CYP2B6: variants seen among roughly 807,000 people sequenced by gnomAD.
CYP2B6 encodes the protein cytochrome P450 family 2 subfamily B member 6, also known as cytochrome P450 2B6.
CYP2B6 carries 35 observed loss-of-function variants against 43.4 expected under a neutral mutation model. The observed-to-expected ratio is 0.81, with a 90% CI of 0.62 to 1.07. The LOEUF is 1.07. CYP2B6 is among the 50% of genes least tolerant of loss of function. The probability of loss-of-function intolerance (pLI) is 0.00; values close to 1 mark genes in which losing one functional copy is unlikely to be tolerated. For missense variants in CYP2B6, 624 were observed against 632.8 expected, an observed-to-expected ratio of 0.99 and a Z score of 0.15; for synonymous variants, 239 against 239.2, an observed-to-expected ratio of 1.00 and a Z score of 0.01.
rs755545200 is a variant in CYP2B6, at chr19:41,010,163, G to A, written c.964+28G>A. 6.8e-6 allele frequency: 11 copies of A among 1,611,734 alleles called. No individual in the cohort carries two copies. In the South Asian group the frequency reaches 8.8e-5, roughly 13 times the overall value. ...GGGCCAGGGACAGCCAGTCAAGGGG[G>A]TCTTCTGACCTCCTTCTGAGCTGCA... On this transcript the variant is annotated intron_variant, in intron 6 of 8. Transcript: ENST00000324071.
At chr19:41,014,560 T>C (rs569492584) in intron 8 of CYP2B6, among the ~76,000 whole-genome samples, 188 of 152,176 alleles carry the variant, frequency 1.2e-3, no homozygotes, top group African/African-American at 4.4e-3. Context: ...CCACCTCAGT[T>C]TCTGAAAGTC....
In CYP2B6 at chr19:41,016,399, C is replaced by CAA. The variant is rs869180190; in HGVS notation, c.1295-213_1295-212dup. On this transcript the variant is annotated intron_variant, in intron 8 of 8. Coordinates refer to ENST00000324071, the MANE Select transcript of CYP2B6 (RefSeq NM_000767.5). ...TGGGTGACAAAGAGAGACTCCATCT[C>CAA]AAAAAAAAAAAAAAAAAAAAAAAAA... Among the ~76,000 whole-genome samples, 474 of 76,748 alleles carry CAA rather than the reference C, an allele frequency of 6.2e-3. 30 individuals carry two copies. Among genetic ancestry groups the CAA allele is most frequent in the Non-Finnish European group, 1.0e-2 (360 of 36,148 alleles). 50.3% of individuals were successfully genotyped at this position (76,748 alleles called of 152,430 possible).
intron 8 of CYP2B6, among the ~76,000 whole-genome samples, chr19:41,013,819 T>G (rs180797111): frequency 1.5e-3 from 227 of 152,256 alleles, no homozygotes; most frequent in African/African-American, 5.1e-3. Flanking sequence ...AAGGAACCAG[T>G]AAAGGTTCAG....
At chr19:41,001,946 T>TC (rs1213417495) in intron 1 of CYP2B6, among the ~76,000 whole-genome samples, 1 of 151,208 alleles carries the variant, frequency 6.6e-6, no homozygotes, top group Non-Finnish European at 1.5e-5. Flanking sequence ...GTCTTGTTTT[T>TC]TTTTCTGAGC....
At position 41,004,588 on chromosome 19, in the gene CYP2B6, A is replaced by G. The variant is rs572413396; in HGVS notation, c.484+142A>G. ...GAGACACCATCAGACAGAGGGATAG[A>G]GACAGAGAGGGAGAGAGACAGGGGA... On this transcript the variant is annotated intron_variant, in intron 3 of 8. Transcript: ENST00000324071. The G allele has an allele frequency of 3.7e-4, 351 of 957,026 alleles. No individual in the cohort carries two copies. The African/African-American group carries it at 4.6e-3, about 13-fold the overall frequency. 59.3% of individuals were successfully genotyped at this position (957,026 alleles called of 1,614,324 possible). A position where few individuals can be genotyped will look rare whatever the true frequency, so the allele number is the denominator to read the frequency against.
At chr19:40,992,379 A>G (rs957839484) in intron 1 of CYP2B6, among the ~76,000 whole-genome samples, 2 of 152,084 alleles carry the variant, frequency 1.3e-5, no homozygotes, top group African/African-American at 2.4e-5. Context: ...ATCATAATGG[A>G]CTTGTCTGCT....
Position 41,004,079 on chromosome 19 carries a change from A to C in CYP2B6, c.250A>C (p.Ile84Leu), listed in dbSNP as rs1969136524. 7 of 1,613,234 alleles carry C rather than the reference A, an allele frequency of 4.3e-6. No individual in the cohort carries two copies. In the East Asian group the frequency reaches 1.6e-4, roughly 36 times the overall value. ...PVVMLCGVEA[I>L]REALVDKAEA... Reference sequence around the variant, plus strand: ...GGTCATGCTGTGTGGAGTAGAGGCCATACGGGAGGCCCTTGTGGACAAGGC... The same window carrying C: ...GGTCATGCTGTGTGGAGTAGAGGCCCTACGGGAGGCCCTTGTGGACAAGGC... Residue 84 changes from isoleucine to leucine, a missense_variant, in exon 2 of 9, where the codon ATA becomes CTA. Transcript: ENST00000324071.
In CYP2B6 at chr19:41,006,010, T is replaced by C. The variant is rs1969177045; in HGVS notation, c.485-895T>C. 2.0e-5 allele frequency among the ~76,000 whole-genome samples: 3 copies of C among 151,618 alleles called. No homozygotes were observed. In the South Asian group the frequency reaches 6.2e-4, roughly 31 times the overall value. ...GTTCTTGGGTCCTTACAGACCACTC[T>C]CCCTCCAGCTGGGGCCAGTGCTGAG... On this transcript the variant is annotated intron_variant, in intron 3 of 8. Transcript: ENST00000324071.
intron 8 of CYP2B6, among the ~76,000 whole-genome samples, chr19:41,015,999 T>TACACACACACAC (rs113314890): frequency 0.034 from 5,089 of 149,864 alleles, 145 homozygotes; most frequent in African/African-American, 0.069. Flanking sequence ...CATGTACAGG[T>TACACACACACAC]ACACACACAC....
At chr19:40,991,583 C>T (rs753249744) in intron 1 of CYP2B6, 107 bp downstream of exon 1, 31 of 1,239,286 alleles carry the variant, frequency 2.5e-5, no homozygotes, top group African/African-American at 8.9e-5. Flanking sequence ...AGGGGTGGCA[C>T]GGGCATGGTT....
intron 8 of CYP2B6, among the ~76,000 whole-genome samples, chr19:41,014,872 G>T (rs1969337691): frequency 6.6e-6 from 1 of 151,340 alleles, no homozygotes; most frequent in African/African-American, 2.4e-5. Context: ...AAGGAAGGAG[G>T]AGGGGAGAAA....
chr19:41,002,941 C>T (rs1969118285), intron 1 of CYP2B6, among the ~76,000 whole-genome samples: 1 of 152,104 alleles, frequency 6.6e-6, no homozygotes, highest in Admixed American at 6.6e-5. Flanking sequence ...GTTTCAGCCA[C>T]GTTGTCGCCT....
rs777016580 is a variant in CYP2B6 at position 41,012,492 on chromosome 19, C to T, written c.1152+7C>T. On this transcript the variant is annotated splice_region_variant and intron_variant, in intron 7 of 8. Coordinates refer to ENST00000324071, the MANE Select transcript of CYP2B6 (RefSeq NM_000767.5). ...AGGGTACATCATCCCCAAGGTAAGA[C>T]CGGCTGGAACCCCATAGCCCTCCTG... 2 of 1,614,120 alleles carry T rather than the reference C, an allele frequency of 1.2e-6. No individual in the cohort carries two copies. Among genetic ancestry groups the T allele is most frequent in the African/African-American group, 1.3e-5 (1 of 75,030 alleles).
chr19:41,009,918 C>T, intron 5 of CYP2B6, 76 bp from the exon 6 acceptor site: 5 of 1,590,634 alleles, frequency 3.1e-6, no homozygotes, highest in Non-Finnish European at 4.3e-6. Context: ...CGGAGGGCAG[C>T]CAGGGAGATG....
chr19:40,998,921 GTCCTTTGGGTATATA>G (rs1362568650), intron 1 of CYP2B6, among the ~76,000 whole-genome samples: 1 of 123,666 alleles, frequency 8.1e-6, no homozygotes, highest in African/African-American at 3.2e-5. Context: ...ATGATTTATA[GTCCTTTGGGTATATA>G]CCCAGTAATG....
At chr19:41,001,661 C>T (rs565081756) in intron 1 of CYP2B6, among the ~76,000 whole-genome samples, 1 of 152,246 alleles carries the variant, frequency 6.6e-6, no homozygotes, top group East Asian at 1.9e-4. Context: ...ATGGCAACTA[C>T]CTTGATCCAC....
At chr19:41,002,826 T>G (rs1599845262) in intron 1 of CYP2B6, among the ~76,000 whole-genome samples, 1 of 152,108 alleles carries the variant, frequency 6.6e-6, no homozygotes, top group East Asian at 1.9e-4. Flanking sequence ...GGATTACAGA[T>G]GTGAGTCACC....
chr19:41,002,870 A>G (rs1326082030), intron 1 of CYP2B6, among the ~76,000 whole-genome samples: 1 of 152,048 alleles, frequency 6.6e-6, no homozygotes, highest in African/African-American at 2.4e-5. Context: ...TCATACACAT[A>G]AAATTATGAT....
At chr19:41,002,958 GTGGT>G (rs1969118738) in intron 1 of CYP2B6, among the ~76,000 whole-genome samples, 1 of 152,138 alleles carries the variant, frequency 6.6e-6, no homozygotes, top group Admixed American at 6.5e-5. Flanking sequence ...GCCTGTAGCT[GTGGT>G]TTGTTCTTTT....
Sources: allele counts gnomAD v4.1 joint callset (sites outside exome capture counted in the v4.1 genomes callset), GRCh38; gene constraint gnomAD v4.1.1; transcripts MANE v1.5; gene names NCBI Gene and HGNC (gene_info 2026-07-23, HGNC 2026-07-21).